Variants in PKHD1 observed in about 807,000 individuals in gnomAD.
The protein encoded by PKHD1 is PKHD1 ciliary IPT domain containing fibrocystin/polyductin.
Under a neutral mutation model 412.0 loss-of-function variants are expected in PKHD1, and 291 were observed. The ratio of observed to expected loss-of-function variants is 0.71; its 90% CI spans 0.64 to 0.78. The LOEUF is 0.78. PKHD1 is among the 30% of genes least tolerant of loss of function. The pLI is 0.00. For missense variants in PKHD1, 4,825 were observed against 4,950.7 expected (o/e 0.97, Z 0.76); for synonymous variants, 1,777 against 1,821.5 (o/e 0.98, Z 0.62).
At position 51,705,872 on chromosome 6, in the gene PKHD1, G is replaced by A. The variant is rs188242339; in HGVS notation, c.10156+38513C>T. 3.2e-4 allele frequency among the ~76,000 whole-genome samples: 49 copies of A among 152,248 alleles called. 1 individual carries two copies. Among genetic ancestry groups the A allele is most frequent in the South Asian group, 1.7e-3 (8 of 4,828 alleles). On this transcript the variant is annotated intron_variant, in intron 60 of 66. Transcript: ENST00000371117. ...GAAGGGCAATTGTGATTAATCACAG[G>A]TGCTGGCTAGCTGAAGTTATTCTTT... is the stretch of plus-strand genomic sequence containing the variant.
chr6:51,616,542 T>TTA lies in PKHD1; in HGVS notation c.*2538_*2539insTA. ...TAATTCTCTCATTTTTTTTTTTTTTTAGGAGAAAGAGGAGTAGCTTAACTA... is the reference window on the plus strand; with the variant it reads ...TAATTCTCTCATTTTTTTTTTTTTTTTAAGGAGAAAGAGGAGTAGCTTAACTA... On this transcript the variant is annotated 3_prime_UTR_variant, in exon 67 of 67. Coordinates refer to ENST00000371117, the MANE Select transcript of PKHD1 (RefSeq NM_138694.4). 2.6e-6 allele frequency: 1 copy of TTA among 389,568 alleles called. No individual in the cohort carries two copies. The highest frequency in any genetic ancestry group is 4.5e-5 in the Admixed American group (1 of 22,414). The allele number at this position is 389,568 out of a possible 1,614,324, so 24.1% of individuals were successfully genotyped here. A position where few individuals can be genotyped will look rare whatever the true frequency, so the allele number is the denominator to read the frequency against.
intron 60 of PKHD1, among the ~76,000 whole-genome samples, chr6:51,716,716 G>A (rs762433393): frequency 6.6e-6 from 1 of 152,044 alleles, no homozygotes; most frequent in Non-Finnish European, 1.5e-5. Context: ...AACAGCCAAA[G>A]AGAATTTATC....
intron 61 of PKHD1, among the ~76,000 whole-genome samples, chr6:51,652,100 T>TA (rs1376322067): frequency 2.6e-5 from 4 of 152,156 alleles, no homozygotes; most frequent in Non-Finnish European, 2.9e-5. Context: ...AGCCAAACTT[T>TA]AAAAAATGGG....
At chr6:51,950,878 C>T (rs1941119244) in intron 36 of PKHD1, among the ~76,000 whole-genome samples, 1 of 152,096 alleles carries the variant, frequency 6.6e-6, no homozygotes, top group Non-Finnish European at 1.5e-5. Flanking sequence ...CTGAAGGTCA[C>T]GGTGAAGTTG....
chr6:52,016,635 CAAAAA>C (rs10579713), intron 34 of PKHD1, among the ~76,000 whole-genome samples: 8 of 118,916 alleles, frequency 6.7e-5, no homozygotes, highest in Non-Finnish European at 1.0e-4. Context: ...GACTCTGTCT[CAAAAA>C]AAAAAAAAAA....
Position 52,043,103 on chromosome 6 carries a change from G to A in PKHD1, c.2853C>T (p.Thr951=), listed in dbSNP as rs139815340. ...GGGAGTCACCAGAGAAACCAGTTCC[G>A]GTAATGTAAATCATTAGGTTGATGT... The part of the protein sequence containing the change: ...DGDINLMIYI[T]GTGFSGDSQF... The change falls in exon 27 of 67, where the codon ACC becomes ACT. Residue 951 remains threonine, a synonymous_variant. Coordinates refer to ENST00000371117, the MANE Select transcript of PKHD1 (RefSeq NM_138694.4). The A allele has an allele frequency of 1.6e-3, 2,579 of 1,612,822 alleles. 24 individuals carry two copies. The highest frequency in any genetic ancestry group is 9.2e-3 in the East Asian group (411 of 44,860).
chr6:51,631,941 T>C (rs1767973647), intron 65 of PKHD1, among the ~76,000 whole-genome samples: 1 of 144,232 alleles, frequency 6.9e-6, no homozygotes. Flanking sequence ...TTTTTTTTCT[T>C]TTTTTTTTTT....
rs549754471 is a variant in PKHD1, at chr6:52,040,475, C to T, written c.3097+2384G>A. ...GCCTAAGTCAGATCATGTCACTTCA[C>T]TTGAAATCCTCCAATGGCCACCATC... On this transcript the variant is annotated intron_variant, in intron 27 of 66. Coordinates refer to ENST00000371117, the MANE Select transcript of PKHD1 (RefSeq NM_138694.4). Among the ~76,000 whole-genome samples the T allele has an allele frequency of 1.4e-3, 206 of 152,208 alleles. 1 individual carries two copies. Among genetic ancestry groups the T allele is most frequent in the African/African-American group, 4.7e-3 (197 of 41,538 alleles).
chr6:52,033,358 C>G (rs1416482456), intron 28 of PKHD1, among the ~76,000 whole-genome samples, 193 bp from the exon 29 acceptor site: 1 of 152,124 alleles, frequency 6.6e-6, no homozygotes, highest in Non-Finnish European at 1.5e-5. Flanking sequence ...GCCCCCACAC[C>G]CACAACACAG....
Position 51,921,986 on chromosome 6 carries a change from C to T in PKHD1, c.6122-9410G>A, listed in dbSNP as rs577308182. 6.1e-4 allele frequency among the ~76,000 whole-genome samples: 93 copies of T among 152,302 alleles called. 1 individual carries two copies. Among genetic ancestry groups the T allele is most frequent in the South Asian group, 4.1e-4 (2 of 4,820 alleles). ...TTGTTCTATTGCTGGCAAGGAGCTG[C>T]GATCTTTTGGAGGAGAAGAGGCACT... On this transcript the variant is annotated intron_variant, in intron 37 of 66. Transcript: ENST00000371117.
intron 60 of PKHD1, among the ~76,000 whole-genome samples, chr6:51,662,682 C>G (rs1773060176): frequency 6.6e-6 from 1 of 151,852 alleles, no homozygotes. Flanking sequence ...TTGACTAACT[C>G]TTCCCTAGAC....
At chr6:51,797,821 T>A (rs1233297639) in intron 52 of PKHD1, among the ~76,000 whole-genome samples, 1 of 152,168 alleles carries the variant, frequency 6.6e-6, no homozygotes, top group Non-Finnish European at 1.5e-5. Flanking sequence ...CTAGTATTGA[T>A]ATTGTGTGTA....
intron 60 of PKHD1, among the ~76,000 whole-genome samples, chr6:51,724,629 G>A (rs1034029671): frequency 5.3e-5 from 8 of 152,114 alleles, no homozygotes; most frequent in Admixed American, 5.2e-4. Context: ...GAATCACTGT[G>A]TATGTTAGTC....
intron 50 of PKHD1, among the ~76,000 whole-genome samples, chr6:51,841,451 T>C (rs1770191948): frequency 6.6e-6 from 1 of 152,148 alleles, no homozygotes; most frequent in African/African-American, 2.4e-5. Flanking sequence ...CTTTTCCTTT[T>C]GGAGTTGTTT....
rs371225685 is a variant in PKHD1, at chr6:51,915,910, G to A, written c.6122-3334C>T. On this transcript the variant is annotated intron_variant, in intron 37 of 66. Coordinates refer to ENST00000371117, the MANE Select transcript of PKHD1 (RefSeq NM_138694.4). ...AGCAGAACTGCTAAAAAGGGGAGAAGGTTTTGTGAGAGTTGGGGGCCTCAG... is the reference window on the plus strand; with the variant it reads ...AGCAGAACTGCTAAAAAGGGGAGAAAGTTTTGTGAGAGTTGGGGGCCTCAG... Among the ~76,000 whole-genome samples the A allele has an allele frequency of 8.2e-4, 125 of 152,156 alleles. 5 individuals carry two copies. In the South Asian group the frequency reaches 0.025, roughly 31 times the overall value.
intron 59 of PKHD1, among the ~76,000 whole-genome samples, chr6:51,745,379 G>C (rs983032742): frequency 4.6e-5 from 7 of 152,138 alleles, no homozygotes; most frequent in African/African-American, 1.4e-4. Flanking sequence ...AGGATGAAGA[G>C]AGTACTCTCT....
chr6:51,669,802 G>A (rs895265990), intron 60 of PKHD1, among the ~76,000 whole-genome samples: 5 of 118,426 alleles, frequency 4.2e-5, no homozygotes, highest in Admixed American at 9.0e-5. Context: ...ATTTCGTTAC[G>A]TACCCAGTAG....
intron 5 of PKHD1, among the ~76,000 whole-genome samples, chr6:52,077,075 A>G (rs1290437884): frequency 1.3e-5 from 2 of 152,186 alleles, no homozygotes; most frequent in South Asian, 2.1e-4. Flanking sequence ...AAGCTCCACA[A>G]AGGCAGGGAC....
At chr6:51,668,568 A>T (rs578234459) in intron 60 of PKHD1, among the ~76,000 whole-genome samples, 1 of 152,118 alleles carries the variant, frequency 6.6e-6, no homozygotes, top group Non-Finnish European at 1.5e-5. Context: ...CCTGGCCAGA[A>T]CTTCCAACAC....
Sources: allele counts gnomAD v4.1 joint callset (sites outside exome capture counted in the v4.1 genomes callset), GRCh38; gene constraint gnomAD v4.1.1; transcripts MANE v1.5; gene names NCBI Gene and HGNC (gene_info 2026-07-23, HGNC 2026-07-21).